The following TMEM135 variants were observed in gnomAD, a reference collection of about 807,000 sequenced individuals.
TMEM135 encodes transmembrane protein 135, also known as peroxisomal membrane protein 52.
TMEM135 carries 30 observed loss-of-function variants against 60.3 expected under a neutral mutation model. That is an observed-to-expected ratio of 0.50 (90% CI 0.37 to 0.68). The LOEUF is 0.68. Among genes scored for constraint, TMEM135 ranks in the 30% least tolerant of loss-of-function variants. The pLI is 0.00. For missense variants in TMEM135, 468 were observed against 548.8 expected (o/e 0.85, Z 1.47); for synonymous variants, 190 against 186.7 (o/e 1.02, Z -0.14).
At chr11:87,256,419 G>A (rs1051300226) in intron 6 of TMEM135, among the ~76,000 whole-genome samples, 1 of 152,154 alleles carries the variant, frequency 6.6e-6, no homozygotes, top group Non-Finnish European at 1.5e-5. Flanking sequence ...ATGAAAAAAT[G>A]CAGATACCTT....
At chr11:87,198,790 A>G (rs1940026859) in intron 5 of TMEM135, among the ~76,000 whole-genome samples, 1 of 151,988 alleles carries the variant, frequency 6.6e-6, no homozygotes, top group Admixed American at 6.6e-5. Flanking sequence ...AGACAAGTAT[A>G]AATAATAGAA....
intron 1 of TMEM135, among the ~76,000 whole-genome samples, chr11:87,063,601 G>C (rs61906206): frequency 6.6e-6 from 1 of 152,094 alleles, no homozygotes; most frequent in African/African-American, 2.4e-5. Context: ...ATAAAAATAC[G>C]TGGCACACTG....
chr11:87,248,626 T>TG (rs1941346033), intron 6 of TMEM135, among the ~76,000 whole-genome samples: 1 of 84,734 alleles, frequency 1.2e-5, no homozygotes, highest in Admixed American at 1.0e-4. Context: ...ATAAATTATA[T>TG]GATTTTTTTT....
chr11:87,299,276 T>C (rs1362137163), intron 7 of TMEM135, among the ~76,000 whole-genome samples: 1 of 152,144 alleles, frequency 6.6e-6, no homozygotes, highest in Admixed American at 6.5e-5. Flanking sequence ...TCAGGAAACT[T>C]ACAATCATGG....
chr11:87,258,754 C>T (rs1226255207), intron 6 of TMEM135: 2 of 430,064 alleles, frequency 4.7e-6, no homozygotes, highest in East Asian at 4.4e-5. Context: ...GATCAATGTG[C>T]CAAAGTTAAA....
chr11:87,263,093 T>C (rs549973181), intron 6 of TMEM135, among the ~76,000 whole-genome samples: 2 of 152,298 alleles, frequency 1.3e-5, no homozygotes, highest in South Asian at 2.1e-4. Flanking sequence ...ATGAACACAT[T>C]TGGGGACAAA....
intron 5 of TMEM135, among the ~76,000 whole-genome samples, chr11:87,166,347 G>A (rs371682288): frequency 1.1e-4 from 16 of 151,734 alleles, no homozygotes; most frequent in Admixed American, 7.2e-4. Context: ...TGTTGCCATT[G>A]CTTTTGGTGG....
At chr11:87,244,754 A>G (rs1941220462) in intron 6 of TMEM135, among the ~76,000 whole-genome samples, 1 of 147,384 alleles carries the variant, frequency 6.8e-6, no homozygotes, top group Admixed American at 6.8e-5. Flanking sequence ...CTTCTTTATT[A>G]GTCTTGCTAG....
chr11:87,195,389 C>CT (rs1201394289), intron 5 of TMEM135, among the ~76,000 whole-genome samples: 1,814 of 81,728 alleles, frequency 0.022, 109 homozygotes, highest in Admixed American at 0.036. Flanking sequence ...TTCCTTCCTT[C>CT]CTTCTCTCTC....
At chr11:87,281,812 C>G (rs1565155017) in intron 6 of TMEM135, among the ~76,000 whole-genome samples, 2 of 152,176 alleles carry the variant, frequency 1.3e-5, no homozygotes, top group Admixed American at 1.3e-4. Flanking sequence ...TGTTCTTTTT[C>G]TCTGCTGTGA....
At position 87,084,239 on chromosome 11, in the gene TMEM135, G is replaced by C. The variant is rs573418947; in HGVS notation, c.363-7123G>C. Among the ~76,000 whole-genome samples, 42 of 152,108 alleles carry C rather than the reference G, an allele frequency of 2.8e-4. No homozygotes were observed. The South Asian group carries it at 6.4e-3, about 23-fold the overall frequency. Reference sequence around the variant, plus strand: ...CTTTTTAATCTACTAAGATGTTACAGAACATTTATGTTATTTAATGTTTTC... The same window carrying C: ...CTTTTTAATCTACTAAGATGTTACACAACATTTATGTTATTTAATGTTTTC... On this transcript the variant is annotated intron_variant, in intron 3 of 14. Transcript: ENST00000305494.
At chr11:87,208,571 C>A (rs552525468) in intron 5 of TMEM135, among the ~76,000 whole-genome samples, 2 of 152,148 alleles carry the variant, frequency 1.3e-5, no homozygotes, top group South Asian at 4.2e-4. Flanking sequence ...GTAAAGAGAC[C>A]AAACCTACAA....
intron 5 of TMEM135, among the ~76,000 whole-genome samples, chr11:87,179,278 T>C (rs1565475858): frequency 6.6e-6 from 1 of 152,214 alleles, no homozygotes; most frequent in Non-Finnish European, 1.5e-5. Context: ...GGATCAAATC[T>C]TTTATTAAAT....
chr11:87,069,790 A>G (rs1301374852), intron 2 of TMEM135, among the ~76,000 whole-genome samples: 2 of 152,146 alleles, frequency 1.3e-5, no homozygotes, highest in Admixed American at 1.3e-4. Flanking sequence ...TCACAGGTGG[A>G]AGGTTTCTGA....
At chr11:87,254,008 C>A (rs1293425419) in intron 6 of TMEM135, among the ~76,000 whole-genome samples, 1 of 151,964 alleles carries the variant, frequency 6.6e-6, no homozygotes, top group Non-Finnish European at 1.5e-5. Context: ...TAAAGCATTT[C>A]TGTTTTGAGC....
At chr11:87,306,199 TC>T (rs1273926823) in intron 9 of TMEM135, among the ~76,000 whole-genome samples, 194 bp downstream of exon 9, 3 of 152,206 alleles carry the variant, frequency 2.0e-5, no homozygotes, top group African/African-American at 7.2e-5. Context: ...ACTTACCAGA[TC>T]CTTAAATAAT....
intron 3 of TMEM135, among the ~76,000 whole-genome samples, chr11:87,077,517 A>T (rs555995121): frequency 2.0e-5 from 3 of 152,346 alleles, no homozygotes; most frequent in African/African-American, 7.2e-5. Flanking sequence ...AATGCGTTTC[A>T]TATACGTGTT....
At chr11:87,089,485 G>A (rs10792906) in intron 3 of TMEM135, among the ~76,000 whole-genome samples, 12,365 of 152,090 alleles carry the variant, frequency 0.081, 575 homozygotes, top group East Asian at 0.18. Flanking sequence ...TGAGACTGCA[G>A]TGAGCTATGA....
intron 4 of TMEM135, among the ~76,000 whole-genome samples, chr11:87,152,378 G>A (rs886586130): frequency 7.2e-5 from 11 of 152,016 alleles, no homozygotes; most frequent in Non-Finnish European, 1.5e-4. Context: ...TCTTCATTTT[G>A]AAATTCTTTA....
Sources: allele counts gnomAD v4.1 joint callset (sites outside exome capture counted in the v4.1 genomes callset), GRCh38; gene constraint gnomAD v4.1.1; transcripts MANE v1.5; gene names NCBI Gene and HGNC (gene_info 2026-07-23, HGNC 2026-07-21).